LRRC7: variants seen among roughly 807,000 people sequenced by gnomAD.
LRRC7 encodes leucine-rich repeat-containing protein 7.
Under a neutral mutation model 175.7 loss-of-function variants are expected in LRRC7, and 23 were observed. That is an observed-to-expected ratio of 0.13 (90% CI 0.09 to 0.19). The LOEUF (loss-of-function observed/expected upper bound fraction) is 0.19, where lower values mean the gene tolerates loss of function less well. LRRC7 is among the 10% of genes least tolerant of loss of function. The pLI, the probability that LRRC7 is intolerant of heterozygous loss-of-function variation, is 1.00. For synonymous variants in LRRC7, 685 were observed against 680.9 expected (o/e 1.01, Z -0.09); for missense variants, 1,354 against 1,904.7 (o/e 0.71, Z 5.38).
At chr1:69,855,509 G>A (rs1051672840) in intron 7 of LRRC7, among the ~76,000 whole-genome samples, 2 of 152,098 alleles carry the variant, frequency 1.3e-5, no homozygotes, top group African/African-American at 4.8e-5. Context: ...TATAATTTCT[G>A]TTCTTTTACA....
chr1:69,813,494 C>T (rs796659142), intron 4 of LRRC7, among the ~76,000 whole-genome samples: 1 of 152,056 alleles, frequency 6.6e-6, no homozygotes, highest in South Asian at 2.1e-4. Flanking sequence ...CCTCCTTTCC[C>T]ATCTTCATGA....
chr1:69,917,445 AG>A (rs1646754977), intron 7 of LRRC7, among the ~76,000 whole-genome samples: 1 of 152,172 alleles, frequency 6.6e-6, no homozygotes, highest in Non-Finnish European at 1.5e-5. Flanking sequence ...TGAATAGCTA[AG>A]GGAAAGCCAC....
chr1:69,665,962 T>C (rs941895899), intron 1 of LRRC7, among the ~76,000 whole-genome samples: 3 of 152,146 alleles, frequency 2.0e-5, no homozygotes, highest in African/African-American at 7.2e-5. Flanking sequence ...TGTGGATCTG[T>C]CATAGGTGGC....
At chr1:69,663,964 A>C (rs942361853) in intron 1 of LRRC7, among the ~76,000 whole-genome samples, 5 of 145,940 alleles carry the variant, frequency 3.4e-5, no homozygotes, top group Admixed American at 2.0e-4. Flanking sequence ...CTCATGATCC[A>C]CCCGCCTCGG....
intron 4 of LRRC7, among the ~76,000 whole-genome samples, chr1:69,807,850 C>T (rs1677319419): frequency 6.6e-6 from 1 of 152,012 alleles, no homozygotes; most frequent in African/African-American, 2.4e-5. Flanking sequence ...GCCTGTCTTG[C>T]TAGGCTGGGG....
At chr1:69,806,919 G>A (rs942212146) in intron 4 of LRRC7, among the ~76,000 whole-genome samples, 1 of 151,930 alleles carries the variant, frequency 6.6e-6, no homozygotes, top group Non-Finnish European at 1.5e-5. Flanking sequence ...ACAATTTTAA[G>A]GAGGCATCTC....
chr1:69,607,906 A>G (rs1773321), intron 1 of LRRC7: 22,992 of 152,202 alleles, frequency 0.15, 1,921 homozygotes, highest in Admixed American at 0.19. Context: ...AGGAACTTGT[A>G]TAAACCCTTC....
chr1:69,912,138 T>G (rs1409079532), intron 7 of LRRC7, among the ~76,000 whole-genome samples: 2 of 152,122 alleles, frequency 1.3e-5, no homozygotes, highest in Non-Finnish European at 2.9e-5. Flanking sequence ...ATGGAACCAA[T>G]TCCCCCAAGG....
intron 25 of LRRC7, among the ~76,000 whole-genome samples, chr1:70,101,853 G>A (rs1664827428): frequency 6.6e-6 from 1 of 152,204 alleles, no homozygotes; most frequent in South Asian, 2.1e-4. Context: ...ACCTAGAGGA[G>A]TCCCTCTGTG....
intron 8 of LRRC7, among the ~76,000 whole-genome samples, chr1:69,935,052 A>T (rs1647854671): frequency 1.3e-5 from 2 of 152,176 alleles, no homozygotes; most frequent in African/African-American, 4.8e-5. Flanking sequence ...AAACTGAGTG[A>T]GAAGTAGTCT....
intron 11 of LRRC7, among the ~76,000 whole-genome samples, chr1:70,002,914 A>T (rs1160685441): frequency 6.6e-6 from 1 of 152,176 alleles, no homozygotes; most frequent in Non-Finnish European, 1.5e-5. Flanking sequence ...TCTGGTTCTA[A>T]AAAAGAAAAA....
At chr1:69,695,215 T>C (rs1274997129) in intron 2 of LRRC7, among the ~76,000 whole-genome samples, 1 of 152,190 alleles carries the variant, frequency 6.6e-6, no homozygotes, top group Admixed American at 6.5e-5. Flanking sequence ...CTATGTTATG[T>C]CATAGCAAAG....
intron 7 of LRRC7, among the ~76,000 whole-genome samples, chr1:69,868,476 G>A (rs934918258): frequency 2.2e-4 from 34 of 152,042 alleles, no homozygotes; most frequent in Non-Finnish European, 1.2e-4. Flanking sequence ...TGAAGAGAGC[G>A]GTGTTAGCAG....
At chr1:69,703,278 A>G (rs1189549660) in intron 2 of LRRC7, among the ~76,000 whole-genome samples, 6 of 152,114 alleles carry the variant, frequency 3.9e-5, no homozygotes, top group Non-Finnish European at 8.8e-5. Context: ...AATTAAATAG[A>G]TTATTTACTT....
At chr1:69,643,242 TC>T (rs1174718854) in intron 1 of LRRC7, among the ~76,000 whole-genome samples, 1 of 152,116 alleles carries the variant, frequency 6.6e-6, no homozygotes, top group Admixed American at 6.6e-5. Context: ...CTTTACTTAG[TC>T]TACTGATTGA....
At chr1:69,956,429 G>A (rs915772286) in intron 8 of LRRC7, among the ~76,000 whole-genome samples, 1 of 151,780 alleles carries the variant, frequency 6.6e-6, no homozygotes, top group African/African-American at 2.4e-5. Flanking sequence ...TAGAATACTT[G>A]TGAATAAATA....
intron 8 of LRRC7, among the ~76,000 whole-genome samples, chr1:69,959,387 T>C (rs1650822730): frequency 6.6e-6 from 1 of 152,050 alleles, no homozygotes; most frequent in Non-Finnish European, 1.5e-5. Flanking sequence ...ATCAGTGATA[T>C]ATCAATAACT....
At chr1:69,632,398 A>G (rs1315530229) in intron 1 of LRRC7, among the ~76,000 whole-genome samples, 1 of 152,168 alleles carries the variant, frequency 6.6e-6, no homozygotes, top group Non-Finnish European at 1.5e-5. Flanking sequence ...GCTGAGTGCC[A>G]AGTACTCCCT....
At chr1:69,842,521 C>T (rs1681841882) in intron 7 of LRRC7, among the ~76,000 whole-genome samples, 1 of 152,134 alleles carries the variant, frequency 6.6e-6, no homozygotes, top group Non-Finnish European at 1.5e-5. Context: ...TGATACCTCA[C>T]TTTGCTGTCA....
Sources: gnomAD v4.1 joint callset for allele counts (sites outside exome capture counted in the v4.1 genomes callset) on GRCh38, gnomAD v4.1.1 for gene constraint, MANE v1.5 for transcripts, NCBI Gene and HGNC (gene_info 2026-07-23, HGNC 2026-07-21) for gene names.